ANKRD55: variants seen among roughly 807,000 people sequenced by gnomAD.
The protein encoded by ANKRD55 is ankyrin repeat domain 55, also known as ankyrin repeat domain-containing protein 55.
Under a neutral mutation model 60.6 loss-of-function variants are expected in ANKRD55, and 41 were observed. That is an observed-to-expected ratio of 0.68 (90% CI 0.53 to 0.88). The LOEUF (loss-of-function observed/expected upper bound fraction) is 0.88, where lower values mean the gene tolerates loss of function less well. Among genes scored for constraint, ANKRD55 ranks in the 40% least tolerant of loss-of-function variants. The pLI is 0.00. For synonymous variants in ANKRD55, 264 were observed against 290.3 expected (o/e 0.91, Z 0.92); for missense variants, 732 against 767.6 (o/e 0.95, Z 0.55).
intron 2 of ANKRD55, among the ~76,000 whole-genome samples, chr5:56,224,826 T>C (rs1240524379): frequency 6.6e-6 from 1 of 152,122 alleles, no homozygotes; most frequent in East Asian, 1.9e-4. Context: ...GGCTCTGAAA[T>C]TGAGGCAATA....
chr5:56,165,915 G>A (rs1040372540), intron 5 of ANKRD55, among the ~76,000 whole-genome samples: 27 of 151,942 alleles, frequency 1.8e-4, no homozygotes, highest in African/African-American at 4.6e-4. Flanking sequence ...GGCAACAAGA[G>A]TGAAACTCTG....
intron 2 of ANKRD55, among the ~76,000 whole-genome samples, chr5:56,201,656 T>C (rs1315765333): frequency 1.3e-5 from 2 of 152,306 alleles, no homozygotes; most frequent in African/African-American, 4.8e-5. Flanking sequence ...TTCTGAGAGC[T>C]AAATGAATTA....
intron 7 of ANKRD55, among the ~76,000 whole-genome samples, chr5:56,135,596 T>C (rs1757574515): frequency 6.7e-6 from 1 of 149,712 alleles, no homozygotes; most frequent in Non-Finnish European, 1.5e-5. Flanking sequence ...CTTGAACTCC[T>C]GGCCTCAAGC....
At chr5:56,188,081 G>T (rs1322849680) in intron 2 of ANKRD55, among the ~76,000 whole-genome samples, 2 of 152,128 alleles carry the variant, frequency 1.3e-5, no homozygotes. Context: ...TGATTCAGTG[G>T]AATTGGCTAT....
At chr5:56,124,214 C>G (rs1266327241) in intron 8 of ANKRD55, among the ~76,000 whole-genome samples, 1 of 152,140 alleles carries the variant, frequency 6.6e-6, no homozygotes, top group Non-Finnish European at 1.5e-5. Flanking sequence ...AACACTTAAG[C>G]TACATATGCT....
chr5:56,159,987 A>C (rs1172043737), intron 5 of ANKRD55, 94 bp from the exon 6 acceptor site: 1 of 1,054,912 alleles, frequency 9.5e-7, no homozygotes, highest in Non-Finnish European at 1.5e-6. Context: ...AAAAACCGTC[A>C]GTTGAAAGAC....
At chr5:56,142,437 G>C (rs1373872234) in intron 7 of ANKRD55, among the ~76,000 whole-genome samples, 1 of 152,196 alleles carries the variant, frequency 6.6e-6, no homozygotes, top group African/African-American at 2.4e-5. Flanking sequence ...AGCACTGCTG[G>C]TGATTCCATC....
At chr5:56,114,045 T>A (rs986389360) in intron 9 of ANKRD55, among the ~76,000 whole-genome samples, 1 of 148,244 alleles carries the variant, frequency 6.7e-6, no homozygotes, top group Non-Finnish European at 1.5e-5. Flanking sequence ...ATGAATAAAG[T>A]GGGCCAGGCG....
chr5:56,227,958 C>T (rs1760160822), intron 2 of ANKRD55, among the ~76,000 whole-genome samples: 1 of 152,190 alleles, frequency 6.6e-6, no homozygotes, highest in Non-Finnish European at 1.5e-5. Flanking sequence ...CCGCTTCCCC[C>T]ACCTCTTACT....
rs572966628 is a variant in ANKRD55, at chr5:56,190,546, A to C, written c.59-6912T>G. On this transcript the variant is annotated intron_variant, in intron 2 of 11. Coordinates refer to ENST00000341048, the MANE Select transcript of ANKRD55 (RefSeq NM_024669.3). ...CAAATACATTTTTTTCCACATGGCTATCCTGTTTTTCCAACATCATTCATT... is the reference window on the plus strand; with the variant it reads ...CAAATACATTTTTTTCCACATGGCTCTCCTGTTTTTCCAACATCATTCATT... Among the ~76,000 whole-genome samples, 3 of 152,284 alleles carry C rather than the reference A, an allele frequency of 2.0e-5. No homozygotes were observed. In the East Asian group the frequency reaches 5.8e-4, roughly 29 times the overall value.
chr5:56,194,525 T>C, intron 2 of ANKRD55, among the ~76,000 whole-genome samples: 1 of 152,124 alleles, frequency 6.6e-6, no homozygotes, highest in East Asian at 1.9e-4. Context: ...CTGGCACTTA[T>C]CCTGAAGTTC....
intron 2 of ANKRD55, among the ~76,000 whole-genome samples, chr5:56,196,624 T>C (rs532621012): frequency 3.2e-4 from 49 of 152,232 alleles, no homozygotes; most frequent in Non-Finnish European, 7.1e-4. Flanking sequence ...GTATCAGGCT[T>C]GGAGTTAGTC....
chr5:56,232,100 C>G (rs1210340563), intron 2 of ANKRD55, among the ~76,000 whole-genome samples: 1 of 151,902 alleles, frequency 6.6e-6, no homozygotes, highest in African/African-American at 2.4e-5. Flanking sequence ...CATGTTTATA[C>G]TAAAAAAAGA....
intron 3 of ANKRD55, among the ~76,000 whole-genome samples, chr5:56,181,503 G>A (rs1416785828): frequency 1.3e-5 from 2 of 152,102 alleles, no homozygotes; most frequent in African/African-American, 2.4e-5. Flanking sequence ...GGTTAATTCG[G>A]TGGATTACAT....
At chr5:56,193,296 TA>T in intron 2 of ANKRD55, 2 of 1,072,980 alleles carry the variant, frequency 1.9e-6, no homozygotes, top group Non-Finnish European at 2.7e-6. Context: ...ATGGAAATTA[TA>T]AATGTAGAAG....
At chr5:56,175,067 T>C (rs994233538) in intron 4 of ANKRD55, among the ~76,000 whole-genome samples, 1 of 152,190 alleles carries the variant, frequency 6.6e-6, no homozygotes, top group Admixed American at 6.5e-5. Flanking sequence ...AAAAGATCTG[T>C]GGACCACAGT....
intron 5 of ANKRD55, among the ~76,000 whole-genome samples, chr5:56,167,714 A>G (rs1005860373): frequency 6.6e-6 from 1 of 152,184 alleles, no homozygotes; most frequent in Non-Finnish European, 1.5e-5. Context: ...CAACTCATCC[A>G]AGGGTGGTGG....
chr5:56,155,738 C>T (rs997111465), intron 6 of ANKRD55, among the ~76,000 whole-genome samples: 7 of 151,326 alleles, frequency 4.6e-5, no homozygotes, highest in African/African-American at 1.7e-4. Context: ...CCTAGCTACT[C>T]AGGAGGCTAG....
intron 8 of ANKRD55, among the ~76,000 whole-genome samples, chr5:56,118,525 G>A (rs1164302648): frequency 6.6e-6 from 1 of 152,022 alleles, no homozygotes; most frequent in African/African-American, 2.4e-5. Flanking sequence ...TTGGGAGGCT[G>A]AGGCAGGAGA....
Sources: allele counts gnomAD v4.1 joint callset (sites outside exome capture counted in the v4.1 genomes callset), GRCh38; gene constraint gnomAD v4.1.1; transcripts MANE v1.5; gene names NCBI Gene and HGNC (gene_info 2026-07-23, HGNC 2026-07-21).